STBD1: variants seen among roughly 807,000 people sequenced by gnomAD.
STBD1 encodes the protein starch binding domain 1, also known as starch-binding domain-containing protein 1.
In STBD1, 13 loss-of-function variants were observed where a neutral mutation model predicts 10.5. The ratio of observed to expected loss-of-function variants is 1.24; its 90% CI spans 0.81 to 1.97. The LOEUF (loss-of-function observed/expected upper bound fraction) is 1.97. STBD1 is among the 30% of genes most tolerant of loss of function. STBD1 has a pLI of 0.00. For missense variants in STBD1, 427 were observed against 435.6 expected (o/e 0.98, Z 0.17); for synonymous variants, 146 against 160.2 (o/e 0.91, Z 0.67).
chr4:76,308,032 T>A (rs1035176564), intron 1 of STBD1, among the ~76,000 whole-genome samples: 2 of 152,018 alleles, frequency 1.3e-5, no homozygotes, highest in African/African-American at 4.8e-5. Context: ...ACTCCCACCA[T>A]CACCGAGGCG....
chr4:76,309,221 T>C lies in STBD1; in HGVS notation c.298T>C (p.Leu100=), dbSNP rs1166926801. The C allele has an allele frequency of 6.2e-7, 1 of 1,613,992 alleles. No homozygotes were observed. Among genetic ancestry groups the C allele is most frequent in the South Asian group, 1.1e-5 (1 of 90,990 alleles). ...LGKLQAASWR[L]QNPSREVCDN... ...TAAACTGCAAGCAGCATCATGGAGA[T>C]TGCAGAATCCTTCCAGGGAAGTCTG... The change falls in exon 2 of 2, where the codon TTG becomes CTG. Residue 100 remains leucine (L), a synonymous_variant. Transcript: ENST00000237642.
chr4:76,306,746 T>G lies in STBD1; in HGVS notation c.-24T>G, dbSNP rs1027154095. On this transcript the variant is annotated 5_prime_UTR_variant, in exon 1 of 2. Transcript: ENST00000237642. ...AGCCCCGGTCCCAGTCCCTGTAGTCTCCTGCGGCCGCGGCCTCTCAGCCAT... is the reference window on the plus strand; with the variant it reads ...AGCCCCGGTCCCAGTCCCTGTAGTCGCCTGCGGCCGCGGCCTCTCAGCCAT... The G allele has an allele frequency of 6.2e-6, 10 of 1,602,252 alleles. No homozygotes were observed. The Admixed American group carries it at 6.8e-5, about 11-fold the overall frequency.
rs560301324 is a variant in STBD1, at chr4:76,309,008, T to C, written c.221-136T>C. 9 of 1,272,352 alleles carry C rather than the reference T, an allele frequency of 7.1e-6. No individual in the cohort carries two copies. The East Asian group carries it at 2.2e-4, about 32-fold the overall frequency. 78.8% of individuals were successfully genotyped at this position (1,272,352 alleles called of 1,614,324 possible). ...TACTGGTTAATTAAGTAGTACTTGA[T>C]TTTAATAGAGGGGGACTTTGTGAAT... On this transcript the variant is annotated intron_variant, in intron 1 of 1. Transcript: ENST00000237642.
chr4:76,309,188 G>T lies in STBD1; in HGVS notation c.265G>T (p.Asp89Tyr). 6.2e-7 allele frequency: 1 copy of T among 1,605,786 alleles called. No individual in the cohort carries two copies. Among genetic ancestry groups the T allele is most frequent in the Non-Finnish European group, 8.5e-7 (1 of 1,177,978 alleles). The change falls in exon 2 of 2, where the codon GAC becomes TAC. Residue 89 changes from aspartate (D) to tyrosine (Y), a missense_variant. Asp to Tyr is a radical substitution (Grantham distance 160). Coordinates refer to ENST00000237642, the MANE Select transcript of STBD1 (RefSeq NM_003943.5). ...TGGACATTTGATTTCTAAGACCAAA[G>T]ACCTTGGTAAACTGCAAGCAGCATC... ...SNGHLISKTK[D>Y]LGKLQAASWR... is the part of the protein sequence containing the mutation.
chr4:76,309,884 T>C lies in STBD1; in HGVS notation c.961T>C (p.Trp321Arg), dbSNP rs747709518. The C allele has an allele frequency of 5.6e-6, 9 of 1,613,500 alleles. No individual in the cohort carries two copies. The highest frequency in any genetic ancestry group is 1.7e-5 in the Admixed American group (1 of 59,946). Residue 321 changes from tryptophan to arginine, a missense_variant, in exon 2 of 2, where the codon TGG (tryptophan) becomes CGG (arginine). Transcript: ENST00000237642. The part of the protein sequence containing the change: ...IFLPADTVVE[W>R]KFVLVENGGV... Reference sequence around the variant, plus strand: ...CCTGCCTGCAGATACAGTGGTGGAGTGGAAGTTTGTGTTGGTAGAGAATGG... The same window carrying C: ...CCTGCCTGCAGATACAGTGGTGGAGCGGAAGTTTGTGTTGGTAGAGAATGG...
chr4:76,309,698 G>T lies in STBD1; in HGVS notation c.775G>T (p.Ala259Ser), dbSNP rs1718888579. ...AATGGAAAGGGTAGCAGTGATGCCT[G>T]CAGGGTCTCAGCAAGTTAGTGTCAG... The part of the protein sequence containing the change: ...GKMERVAVMP[A>S]GSQQVSVRFQ... The change falls in exon 2 of 2, where the codon GCA (alanine) becomes TCA (serine). Residue 259 changes from alanine (A) to serine (S), a missense_variant. Physicochemically the swap from Ala to Ser is moderately conservative, Grantham distance 99. Transcript: ENST00000237642. The T allele has an allele frequency of 6.2e-7, 1 of 1,614,240 alleles. No homozygotes were observed. The highest frequency in any genetic ancestry group is 1.3e-5 in the African/African-American group (1 of 75,072).
Position 76,309,684 on chromosome 4 carries a change from T to G in STBD1, c.761T>G (p.Val254Gly). The change falls in exon 2 of 2, where the codon GTA (valine) becomes GGA (glycine). Residue 254 changes from valine to glycine, a missense_variant. Coordinates refer to ENST00000237642, the MANE Select transcript of STBD1 (RefSeq NM_003943.5). ...GQQVHGKMER[V>G]AVMPAGSQQV... The stretch of plus-strand genomic sequence containing the variant: ...CAAGTGCATGGGAAAATGGAAAGGG[T>G]AGCAGTGATGCCTGCAGGGTCTCAG... 6.8e-6 allele frequency: 11 copies of G among 1,614,152 alleles called. No homozygotes were observed. The highest frequency in any genetic ancestry group is 9.3e-6 in the Non-Finnish European group (11 of 1,180,024).
intron 1 of STBD1, 79 bp from the exon 2 acceptor site, chr4:76,309,065 A>G: frequency 6.6e-7 from 1 of 1,510,202 alleles, no homozygotes; most frequent in Non-Finnish European, 8.8e-7. Flanking sequence ...GCTTTCAGTA[A>G]CTAAATCTAT....
intron 1 of STBD1, among the ~76,000 whole-genome samples, chr4:76,308,217 C>T (rs1244410514): frequency 7.0e-6 from 1 of 143,670 alleles, no homozygotes; most frequent in Non-Finnish European, 1.5e-5. Context: ...TGCAGTGAAC[C>T]GAAATCGTAC....
Position 76,309,545 on chromosome 4 carries a change from AGGCACTCATCTTGGG to A in STBD1, c.625_639del (p.His209_Gly213del), listed in dbSNP as rs754768671. On this transcript the variant is annotated inframe_deletion, in exon 2 of 2. Transcript: ENST00000237642. ...CCACGAGGAGTGGGAAATGGTGCCT[AGGCACTCATCTTGGG>A]GGGATGTTGGTGTGGGTGGCAGTCT... The A allele has an allele frequency of 3.1e-6, 5 of 1,614,254 alleles. No homozygotes were observed. The East Asian group carries it at 1.1e-4, about 36-fold the overall frequency.
chr4:76,309,149 C>A lies in STBD1; in HGVS notation c.226C>A (p.Leu76Ile), dbSNP rs1366091752. 1 of 1,571,670 alleles carries A rather than the reference C, an allele frequency of 6.4e-7. No homozygotes were observed. Among genetic ancestry groups the A allele is most frequent in the African/African-American group, 1.4e-5 (1 of 72,892 alleles). ...GQELVTKPEHLQESNGHLISK... is the reference protein window; with the variant it reads ...GQELVTKPEHIQESNGHLISK... ...TTTTTCCTTTGATTTCTTAGAGCAT[C>A]TTCAAGAAAGCAATGGACATTTGAT... Residue 76 changes from leucine (L) to isoleucine (I), a missense_variant, in exon 2 of 2, where the codon CTT (leucine) becomes ATT (isoleucine). Coordinates refer to ENST00000237642, the MANE Select transcript of STBD1 (RefSeq NM_003943.5).
In STBD1 at chr4:76,310,155, A is replaced by T; in HGVS notation, c.*155A>T. The stretch of plus-strand genomic sequence containing the variant: ...GATTTTGTCTAATGTGCAGAAATAT[A>T]TATGTCTAATGTGCAGAAATATATA... On this transcript the variant is annotated 3_prime_UTR_variant, in exon 2 of 2. Transcript: ENST00000237642. The T allele has an allele frequency of 1.1e-6, 1 of 884,396 alleles. No homozygotes were observed. The highest frequency in any genetic ancestry group is 1.7e-6 in the Non-Finnish European group (1 of 582,984). The allele number at this position is 884,396 out of a possible 1,614,324, so 54.8% of individuals were successfully genotyped here.
Position 76,310,066 on chromosome 4 carries a change from C to G in STBD1, c.*66C>G. On this transcript the variant is annotated 3_prime_UTR_variant, in exon 2 of 2. Transcript: ENST00000237642. Reference sequence around the variant, plus strand: ...GAAGAGGCTGAGGTTGTGGAACACACTGAATAAAATAAAGGCAGTGTGACT... The same window carrying G: ...GAAGAGGCTGAGGTTGTGGAACACAGTGAATAAAATAAAGGCAGTGTGACT... The G allele has an allele frequency of 1.3e-6, 2 of 1,528,460 alleles. No homozygotes were observed. The highest frequency in any genetic ancestry group is 1.7e-6 in the Non-Finnish European group (2 of 1,143,998). 94.7% of individuals were successfully genotyped at this position (1,528,460 alleles called of 1,614,324 possible).
chr4:76,310,263 T>C lies in STBD1; in HGVS notation c.*263T>C, dbSNP rs1718907007. 6.7e-6 allele frequency: 3 copies of C among 447,566 alleles called. No homozygotes were observed. Among genetic ancestry groups the C allele is most frequent in the African/African-American group, 2.0e-5 (1 of 50,674 alleles). The allele number at this position is 447,566 out of a possible 1,614,324, so 27.7% of individuals were successfully genotyped here. The stretch of plus-strand genomic sequence containing the variant: ...GAACTTCTTTTCCCTGTGGCACTGA[T>C]TGACAGACTTGTGCTGATCCATTAT... On this transcript the variant is annotated 3_prime_UTR_variant, in exon 2 of 2. Coordinates refer to ENST00000237642, the MANE Select transcript of STBD1 (RefSeq NM_003943.5).
rs1167088254 is a variant in STBD1 at position 76,310,036 on chromosome 4, A to G, written c.*36A>G. 1 of 1,577,192 alleles carries G rather than the reference A, an allele frequency of 6.3e-7. No individual in the cohort carries two copies. The highest frequency in any genetic ancestry group is 1.3e-5 in the African/African-American group (1 of 74,542). ...AAAGTAATGGAGAAGCTGTAGAACAATGTGGAAGAGGCTGAGGTTGTGGAA... is the reference window on the plus strand; with the variant it reads ...AAAGTAATGGAGAAGCTGTAGAACAGTGTGGAAGAGGCTGAGGTTGTGGAA... On this transcript the variant is annotated 3_prime_UTR_variant, in exon 2 of 2. Transcript: ENST00000237642.
At chr4:76,307,144 G>A (rs755499523) in intron 1 of STBD1, among the ~76,000 whole-genome samples, 155 bp downstream of exon 1, 1 of 152,146 alleles carries the variant, frequency 6.6e-6, no homozygotes, top group African/African-American at 2.4e-5. Flanking sequence ...CACGCCCCTC[G>A]GTTTCCCAGG....
At position 76,309,215 on chromosome 4, in the gene STBD1, T is replaced by C. The variant is rs1389777501; in HGVS notation, c.292T>C (p.Trp98Arg). The C allele has an allele frequency of 1.2e-6, 2 of 1,613,838 alleles. No individual in the cohort carries two copies. Among genetic ancestry groups the C allele is most frequent in the South Asian group, 2.2e-5 (2 of 90,904 alleles). ...CCTTGGTAAACTGCAAGCAGCATCA[T>C]GGAGATTGCAGAATCCTTCCAGGGA... The part of the protein sequence containing the change: ...KDLGKLQAAS[W>R]RLQNPSREVC... Residue 98 changes from tryptophan to arginine, a missense_variant, in exon 2 of 2, where the codon TGG becomes CGG. Physicochemically the swap from Trp to Arg is moderately radical, Grantham distance 101 (BLOSUM62 -3). Coordinates refer to ENST00000237642, the MANE Select transcript of STBD1 (RefSeq NM_003943.5).
At position 76,309,985 on chromosome 4, in the gene STBD1, G is replaced by C; in HGVS notation, c.1062G>C (p.Trp354Cys). The change falls in exon 2 of 2, where the codon TGG (tryptophan) becomes TGC (cysteine). Residue 354 changes from tryptophan to cysteine, a missense_variant. By Grantham distance (215) the Trp-to-Cys change is radical (BLOSUM62 -2). Transcript: ENST00000237642. ...TGHEDKVVHA[W>C]WGIH ...ATGAGGATAAAGTGGTTCACGCATG[G>C]TGGGGGATTCACTGATTCAGTTTGC... 6.2e-7 allele frequency: 1 copy of C among 1,610,964 alleles called. No homozygotes were observed. The highest frequency in any genetic ancestry group is 1.3e-5 in the African/African-American group (1 of 75,008).
At chr4:76,307,100 C>A in intron 1 of STBD1, 111 bp downstream of exon 1, 1 of 1,123,122 alleles carries the variant, frequency 8.9e-7, no homozygotes. Context: ...CCCATTCCTG[C>A]GGACGGGCTC....
Sources: allele counts gnomAD v4.1 joint callset (sites outside exome capture counted in the v4.1 genomes callset), GRCh38; gene constraint gnomAD v4.1.1; transcripts MANE v1.5; gene names NCBI Gene and HGNC (gene_info 2026-07-23, HGNC 2026-07-21).